LARGE1: variants seen among roughly 807,000 people sequenced by gnomAD.
LARGE1 encodes the protein xylosyl- and glucuronyltransferase LARGE1.
Under a neutral mutation model 87.6 loss-of-function variants are expected in LARGE1, and 43 were observed. The ratio of observed to expected loss-of-function variants is 0.49; its 90% CI spans 0.38 to 0.63. The LOEUF (loss-of-function observed/expected upper bound fraction) is 0.63. LARGE1 is among the 30% of genes least tolerant of loss of function. The pLI, the probability that LARGE1 is intolerant of heterozygous loss-of-function variation, is 0.00. For synonymous variants in LARGE1, 434 were observed against 394.6 expected (o/e 1.10, Z -1.18); for missense variants, 802 against 1,000.2 (o/e 0.80, Z 2.67).
the LARGE1 span, among the ~76,000 whole-genome samples, chr22:33,117,805 A>C: frequency 6.6e-6 from 1 of 152,248 alleles, no homozygotes; most frequent in African/African-American, 2.4e-5. Context: ...GTGGATTTTC[A>C]TGAGGCATTT....
At chr22:33,474,841 A>G (rs2069002827) in intron 6 of LARGE1, among the ~76,000 whole-genome samples, 1 of 152,208 alleles carries the variant, frequency 6.6e-6, no homozygotes, top group African/African-American at 2.4e-5. Flanking sequence ...AGCTGTCAGC[A>G]AGATGGCAAT....
At chr22:33,264,620 CTA>C (rs1174265039) in intron 11 of LARGE1, among the ~76,000 whole-genome samples, 1 of 152,200 alleles carries the variant, frequency 6.6e-6, no homozygotes, top group East Asian at 1.9e-4. Context: ...GATTGCACCA[CTA>C]CACTCCAGCC....
chr22:33,515,947 T>C (rs1490414594), intron 6 of LARGE1, among the ~76,000 whole-genome samples: 1 of 152,154 alleles, frequency 6.6e-6, no homozygotes, highest in Non-Finnish European at 1.5e-5. Flanking sequence ...CCTGGCACCT[T>C]GCCAGCTTCA....
intron 2 of LARGE1, among the ~76,000 whole-genome samples, chr22:33,749,681 A>C (rs533519452): frequency 6.6e-6 from 1 of 152,356 alleles, no homozygotes; most frequent in Admixed American, 6.5e-5. Context: ...TGACAGAAAC[A>C]AAATGCAAAC....
chr22:33,600,377 G>A (rs1262520024), intron 5 of LARGE1, among the ~76,000 whole-genome samples: 1 of 152,136 alleles, frequency 6.6e-6, no homozygotes, highest in Non-Finnish European at 1.5e-5. Context: ...ATCCTGGTTT[G>A]GGAGCTTACG....
chr22:33,403,653 G>T (rs1473500620), intron 7 of LARGE1, among the ~76,000 whole-genome samples: 4 of 152,046 alleles, frequency 2.6e-5, no homozygotes, highest in Non-Finnish European at 5.9e-5. Context: ...ACCCAGGCTG[G>T]AGTGTAGTGG....
At chr22:33,863,499 C>T (rs1224917443) in intron 1 of LARGE1, among the ~76,000 whole-genome samples, 1 of 151,900 alleles carries the variant, frequency 6.6e-6, no homozygotes, top group Non-Finnish European at 1.5e-5. Context: ...GTGGCTCATG[C>T]CTGTAATCCC....
At chr22:33,817,912 AGGGGG>A (rs1157294721) in intron 1 of LARGE1, among the ~76,000 whole-genome samples, 3 of 130,742 alleles carry the variant, frequency 2.3e-5, no homozygotes, top group Non-Finnish European at 3.6e-5. Context: ...GAGGGAGGAA[AGGGGG>A]AGGAGAGGGA....
At chr22:33,632,409 C>T (rs754228306) in intron 3 of LARGE1, among the ~76,000 whole-genome samples, 2 of 152,160 alleles carry the variant, frequency 1.3e-5, no homozygotes, top group African/African-American at 4.8e-5. Flanking sequence ...CAGGCATGAG[C>T]CACCGTGCCT....
At chr22:33,769,727 C>T (rs1423726962) in intron 1 of LARGE1, among the ~76,000 whole-genome samples, 2 of 152,182 alleles carry the variant, frequency 1.3e-5, no homozygotes, top group East Asian at 3.8e-4. Context: ...GAGCTGTCCC[C>T]TAAATCACTG....
intron 10 of LARGE1, among the ~76,000 whole-genome samples, chr22:33,326,993 T>C (rs535168139): frequency 6.6e-6 from 1 of 152,284 alleles, no homozygotes; most frequent in East Asian, 1.9e-4. Flanking sequence ...CTAGCCTGTC[T>C]TAGGGTTTTG....
intron 5 of LARGE1, among the ~76,000 whole-genome samples, chr22:33,587,304 C>T (rs985587343): frequency 3.3e-5 from 5 of 152,136 alleles, no homozygotes; most frequent in African/African-American, 4.8e-5. Context: ...TTCTGCCTCA[C>T]AGAACCTGTA....
At chr22:33,678,753 C>G (rs907844084) in intron 2 of LARGE1, among the ~76,000 whole-genome samples, 3 of 152,192 alleles carry the variant, frequency 2.0e-5, no homozygotes, top group Non-Finnish European at 2.9e-5. Flanking sequence ...GCAGAGCGCA[C>G]CATGGGACAG....
chr22:33,261,487 T>C (rs1221504211), intron 11 of LARGE1, among the ~76,000 whole-genome samples: 1 of 152,092 alleles, frequency 6.6e-6, no homozygotes, highest in Non-Finnish European at 1.5e-5. Context: ...ATTCAAATTG[T>C]AATTCAAACG....
intron 2 of LARGE1, among the ~76,000 whole-genome samples, chr22:33,697,265 G>C (rs1253997565): frequency 6.6e-6 from 1 of 152,130 alleles, no homozygotes; most frequent in Non-Finnish European, 1.5e-5. Flanking sequence ...TGCTTATACA[G>C]ATCTCAGCAG....
chr22:33,541,051 TTGCGGGG>T (rs1312884895), intron 6 of LARGE1, among the ~76,000 whole-genome samples: 1 of 13,490 alleles, frequency 7.4e-5, no homozygotes, highest in African/African-American at 2.9e-4. Context: ...GGGTGGTGGG[TTGCGGGG>T]GGGGGGGGGC....
At chr22:33,799,519 C>A (rs2086092460) in intron 1 of LARGE1, among the ~76,000 whole-genome samples, 1 of 152,116 alleles carries the variant, frequency 6.6e-6, no homozygotes, top group African/African-American at 2.4e-5. Flanking sequence ...TGGCTCACCA[C>A]AACCTCCCCC....
chr22:33,397,029 A>G (rs2065769699), intron 7 of LARGE1, among the ~76,000 whole-genome samples: 1 of 152,204 alleles, frequency 6.6e-6, no homozygotes, highest in African/African-American at 2.4e-5. Flanking sequence ...AATAACTAGA[A>G]CCCAGACCAA....
At chr22:33,884,079 A>G (rs566557149) in intron 1 of LARGE1, among the ~76,000 whole-genome samples, 1 of 152,292 alleles carries the variant, frequency 6.6e-6, no homozygotes, top group South Asian at 2.1e-4. Flanking sequence ...TGATGAATCA[A>G]TGAGAAAAAT....
Sources: allele counts gnomAD v4.1 joint callset (sites outside exome capture counted in the v4.1 genomes callset), GRCh38; gene constraint gnomAD v4.1.1; transcripts MANE v1.5; gene names NCBI Gene and HGNC (gene_info 2026-07-23, HGNC 2026-07-21).